Variants in CHFR observed in about 807,000 individuals in gnomAD.
The protein encoded by CHFR is E3 ubiquitin-protein ligase CHFR.
A neutral mutation model predicts 87.6 loss-of-function variants in CHFR; 57 were observed. The ratio of observed to expected loss-of-function variants is 0.65; its 90% confidence interval spans 0.53 to 0.81. The LOEUF is 0.81. Ranked by LOEUF, CHFR falls within the 30% of genes least tolerant of loss-of-function variation. The pLI is 0.00. For missense variants in CHFR, 797 were observed against 865.8 expected, an observed-to-expected ratio of 0.92 and a Z score of 1.00; for synonymous variants, 381 against 359.2, an observed-to-expected ratio of 1.06 and a Z score of -0.69.
Position 132,844,146 on chromosome 12 carries a change from A to G in CHFR, c.1736-12T>C, listed in dbSNP as rs771259995. On this transcript the variant is annotated splice_polypyrimidine_tract_variant and intron_variant, in intron 15 of 17. Transcript: ENST00000450056. ...CGTGACTCTGTAATCTGGAAGAAAC[A>G]CAGCCAGTTACCCAGCAACACCATC... is the stretch of plus-strand genomic sequence containing the variant. 6.4e-7 allele frequency: 1 copy of G among 1,565,284 alleles called. No homozygotes were observed. Among genetic ancestry groups the G allele is most frequent in the East Asian group, 2.2e-5 (1 of 44,558 alleles).
At chr12:132,872,600 C>T (rs1048261784) in intron 3 of CHFR, among the ~76,000 whole-genome samples, 2 of 152,106 alleles carry the variant, frequency 1.3e-5, no homozygotes, top group Non-Finnish European at 1.5e-5. Flanking sequence ...TGACTGACAG[C>T]CTAACCAGCC....
At chr12:132,859,377 G>A in intron 7 of CHFR, 150 bp from the exon 8 acceptor site, 1 of 779,274 alleles carries the variant, frequency 1.3e-6, no homozygotes, top group Middle Eastern at 4.0e-4. Context: ...TCGAGACAGA[G>A]TCTCGCTCTG....
In CHFR at chr12:132,837,549, G is replaced by A. The variant is rs1310935291; in HGVS notation, c.*4005C>T. The A allele has an allele frequency of 6.5e-6, 1 of 152,848 alleles. No homozygotes were observed. Among genetic ancestry groups the A allele is most frequent in the Non-Finnish European group, 1.5e-5 (1 of 68,546 alleles). The allele number at this position is 152,848 out of a possible 1,614,324, so 9.5% of individuals were successfully genotyped here. ...GGTGCGGTAAACTAACTAGAAAGTAGTGCGTCCTGAGCACTCATCACCTTT... is the reference window on the plus strand; with the variant it reads ...GGTGCGGTAAACTAACTAGAAAGTAATGCGTCCTGAGCACTCATCACCTTT... On this transcript the variant is annotated 3_prime_UTR_variant, in exon 18 of 18. Transcript: ENST00000450056.
intron 7 of CHFR, 140 bp from the exon 8 acceptor site, chr12:132,859,367 T>C (rs79489794): frequency 1.1e-5 from 9 of 847,296 alleles, no homozygotes; most frequent in African/African-American, 3.5e-5. Context: ...CTTTTTTTTT[T>C]CGAGACAGAG....
rs1950698849 is a variant in CHFR at position 132,841,255 on chromosome 12, A to G, written c.*299T>C. ...TTTCGGAAAATGTACAAAAGAGCAA[A>G]ACTGCCCCTCTCGGCGGGACGGCCG... On this transcript the variant is annotated 3_prime_UTR_variant, in exon 18 of 18. Coordinates refer to ENST00000450056, the MANE Select transcript of CHFR (RefSeq NM_001161346.2). The G allele has an allele frequency of 9.0e-6, 3 of 333,134 alleles. No individual in the cohort carries two copies. In the South Asian group the frequency reaches 2.0e-4, roughly 22 times the overall value. The allele number at this position is 333,134 out of a possible 1,614,324, so 20.6% of individuals were successfully genotyped here.
At chr12:132,843,404 C>T (rs906101293) in intron 16 of CHFR, among the ~76,000 whole-genome samples, 7 of 151,104 alleles carry the variant, frequency 4.6e-5, no homozygotes, top group Non-Finnish European at 7.4e-5. Flanking sequence ...TCAGCCTGGG[C>T]GACAGAGTCA....
rs183190682 is a variant in CHFR, at chr12:132,858,809, T to C, written c.911+259A>G. On this transcript the variant is annotated intron_variant, in intron 8 of 17. Coordinates refer to ENST00000450056, the MANE Select transcript of CHFR (RefSeq NM_001161346.2). Reference sequence around the variant, plus strand: ...AAAAAAAAAAGTCAGCCAGGCATAGTGGTGTGCACCTGTAGTCCCAGCAAC... The same window carrying C: ...AAAAAAAAAAGTCAGCCAGGCATAGCGGTGTGCACCTGTAGTCCCAGCAAC... 3.3e-3 allele frequency among the ~76,000 whole-genome samples: 414 copies of C among 127,102 alleles called. 3 individuals carry two copies. Among genetic ancestry groups the C allele is most frequent in the African/African-American group, 0.012 (387 of 32,532 alleles). The allele number at this position is 127,102 out of a possible 152,430, so 83.4% of individuals were successfully genotyped here.
At chr12:132,874,461 A>C (rs1268094693) in intron 3 of CHFR, among the ~76,000 whole-genome samples, 2 of 149,754 alleles carry the variant, frequency 1.3e-5, no homozygotes, top group East Asian at 4.0e-4. Context: ...GGGAAGGCCC[A>C]GGACCAGCAC....
rs1950876673 is a variant in CHFR at position 132,848,651 on chromosome 12, G to A, written c.1566C>T (p.Ala522=). The change falls in exon 13 of 18, where the codon GCC becomes GCT. Residue 522 remains alanine (A), a synonymous_variant. Transcript: ENST00000450056. The part of the protein sequence containing the change: ...CTRTGCYGCL[A]PFCELNLGDK... ...AAGAGCCAGTATTACCACAAAACGG[G>A]GCCAGGCAGCCGTAGCAGCCGGTCC... 1 of 1,592,302 alleles carries A rather than the reference G, an allele frequency of 6.3e-7. No homozygotes were observed. Among genetic ancestry groups the A allele is most frequent in the Admixed American group, 1.8e-5 (1 of 56,980 alleles).
chr12:132,880,424 A>AG (rs530735263), intron 2 of CHFR, among the ~76,000 whole-genome samples: 85 of 150,896 alleles, frequency 5.6e-4, no homozygotes, highest in Admixed American at 1.3e-3. Context: ...TGGGAGGCCA[A>AG]GGGGGGGGCG....
Position 132,837,551 on chromosome 12 carries a change from GCGTCCTGAGCACT to G in CHFR, c.*3990_*4002del, listed in dbSNP as rs1950656975. The G allele has an allele frequency of 6.6e-6, 1 of 152,668 alleles. No individual in the cohort carries two copies. Among genetic ancestry groups the G allele is most frequent in the South Asian group, 2.1e-4 (1 of 4,838 alleles). 9.5% of individuals were successfully genotyped at this position (152,668 alleles called of 1,614,324 possible). On this transcript the variant is annotated 3_prime_UTR_variant, in exon 18 of 18. Transcript: ENST00000450056. ...TGCGGTAAACTAACTAGAAAGTAGTGCGTCCTGAGCACTCATCACCTTTGTTTTCAGTGTAACT... is the reference window on the plus strand; with the variant it reads ...TGCGGTAAACTAACTAGAAAGTAGTGCATCACCTTTGTTTTCAGTGTAACT...
At position 132,833,280 on chromosome 12, in the gene CHFR, A is replaced by C. The variant is rs1950627865; in HGVS notation, c.*8274T>G. The C allele has an allele frequency of 6.6e-6, 1 of 152,218 alleles. No individual in the cohort carries two copies. The highest frequency in any genetic ancestry group is 2.4e-5 in the African/African-American group (1 of 41,444). The allele number at this position is 152,218 out of a possible 1,614,324, so 9.4% of individuals were successfully genotyped here. A position where few individuals can be genotyped will look rare whatever the true frequency, so the allele number is the denominator to read the frequency against. On this transcript the variant is annotated 3_prime_UTR_variant, in exon 18 of 18. Coordinates refer to ENST00000450056, the MANE Select transcript of CHFR (RefSeq NM_001161346.2). ...AAACTGGGTGAAGCGTTCGAGCGAG[A>C]GGGGCTACCATCTGCATGGGGCCGT...
At chr12:132,882,664 G>C (rs904050343) in intron 2 of CHFR, among the ~76,000 whole-genome samples, 12 of 151,544 alleles carry the variant, frequency 7.9e-5, no homozygotes, top group African/African-American at 2.4e-4. Context: ...GGTGTCGCCA[G>C]AGCCAGTTTG....
intron 8 of CHFR, 112 bp downstream of exon 8, chr12:132,858,956 G>T: frequency 9.3e-7 from 1 of 1,071,854 alleles, no homozygotes; most frequent in Non-Finnish European, 1.3e-6. Context: ...AACCTCAGCA[G>T]ATGCCAGGCC....
At chr12:132,873,213 G>A (rs1165041403) in intron 3 of CHFR, among the ~76,000 whole-genome samples, 1 of 152,236 alleles carries the variant, frequency 6.6e-6, no homozygotes. Flanking sequence ...GGTTTGCTGA[G>A]GGATGGGAGT....
intron 6 of CHFR, chr12:132,866,944 G>GA (rs1951358917): frequency 6.6e-6 from 1 of 152,406 alleles, no homozygotes; most frequent in Non-Finnish European, 1.5e-5. Flanking sequence ...TGAGGCAGGG[G>GA]AATCACTTGA....
chr12:132,884,882 T>G (rs931731876), intron 2 of CHFR, among the ~76,000 whole-genome samples: 2 of 151,862 alleles, frequency 1.3e-5, no homozygotes, highest in African/African-American at 4.8e-5. Context: ...AGCTCAGGAG[T>G]TCGAGACCAG....
Position 132,848,672 on chromosome 12 carries a change from G to C in CHFR, c.1545C>G (p.Thr515=). 1 of 1,596,830 alleles carries C rather than the reference G, an allele frequency of 6.3e-7. No individual in the cohort carries two copies. The highest frequency in any genetic ancestry group is 8.5e-7 in the Non-Finnish European group (1 of 1,172,000). The part of the protein sequence containing the change: ...FCHLYWGCTR[T]GCYGCLAPFC... ...ACGGGGCCAGGCAGCCGTAGCAGCC[G>C]GTCCGGGTGCAGCCCCAGTACAGGT... The change falls in exon 13 of 18, where the codon ACC becomes ACG. Residue 515 remains threonine, a synonymous_variant. Transcript: ENST00000450056.
intron 14 of CHFR, chr12:132,847,634 T>C: frequency 9.3e-7 from 1 of 1,077,304 alleles, no homozygotes; most frequent in East Asian, 7.5e-5. Context: ...AGCAAAGTGC[T>C]CGGCAGGAGG....
Sources: gnomAD v4.1 joint callset for allele counts (sites outside exome capture counted in the v4.1 genomes callset) on GRCh38, gnomAD v4.1.1 for gene constraint, MANE v1.5 for transcripts, NCBI Gene and HGNC (gene_info 2026-07-23, HGNC 2026-07-21) for gene names.